SKAP2: variants seen among roughly 807,000 people sequenced by gnomAD.
SKAP2 encodes src kinase associated phosphoprotein 2.
Under a neutral mutation model 54.9 loss-of-function variants are expected in SKAP2, and 28 were observed. The ratio of observed to expected loss-of-function variants is 0.51; its 90% confidence interval spans 0.38 to 0.70. The LOEUF is 0.70. Among genes scored for constraint, SKAP2 ranks in the 30% least tolerant of loss-of-function variants. The probability of loss-of-function intolerance (pLI) is 0.00; values close to 1 mark genes in which losing one functional copy is unlikely to be tolerated. For missense variants in SKAP2, 356 were observed against 424.1 expected (o/e 0.84, Z 1.41); for synonymous variants, 137 against 134.3 (o/e 1.02, Z -0.14).
At chr7:26,717,509 C>CAAAAAAAAATA in intron 9 of SKAP2, among the ~76,000 whole-genome samples, 1 of 23,130 alleles carries the variant, frequency 4.3e-5, no homozygotes, top group Non-Finnish European at 1.0e-4. Context: ...GACCCCATCT[C>CAAAAAAAAATA]AAAAAAAAAA....
At chr7:26,763,801 T>A (rs1055234384) in intron 4 of SKAP2, among the ~76,000 whole-genome samples, 9 of 125,958 alleles carry the variant, frequency 7.1e-5, no homozygotes, top group African/African-American at 2.8e-4. Context: ...ATATTATATA[T>A]AGCCTATTGC....
chr7:26,734,778 T>C (rs1787889239), intron 6 of SKAP2, among the ~76,000 whole-genome samples: 1 of 152,164 alleles, frequency 6.6e-6, no homozygotes, highest in Admixed American at 6.5e-5. Context: ...GCCTTTTTTA[T>C]AGAGACATAT....
chr7:26,768,617 A>AC, intron 4 of SKAP2, among the ~76,000 whole-genome samples: 1 of 152,296 alleles, frequency 6.6e-6, no homozygotes, highest in African/African-American at 2.4e-5. Flanking sequence ...TTCCATGTTT[A>AC]ATGCTTCCTT....
chr7:26,851,254 CCAA>C (rs1394678313), intron 3 of SKAP2, among the ~76,000 whole-genome samples: 1 of 83,692 alleles, frequency 1.2e-5, no homozygotes, highest in African/African-American at 4.7e-5. Context: ...CCCGTTTTTA[CCAA>C]AAAAAAAAAA....
intron 4 of SKAP2, among the ~76,000 whole-genome samples, chr7:26,805,997 T>A (rs1366803548): frequency 6.6e-6 from 1 of 152,194 alleles, no homozygotes; most frequent in Admixed American, 6.5e-5. Context: ...CTGAAACTTT[T>A]TCATTATTAT....
chr7:26,837,433 A>C (rs1784737740), intron 4 of SKAP2, among the ~76,000 whole-genome samples: 1 of 152,160 alleles, frequency 6.6e-6, no homozygotes, highest in African/African-American at 2.4e-5. Flanking sequence ...AAGCCTCAGG[A>C]AGCTTACAAT....
intron 4 of SKAP2, among the ~76,000 whole-genome samples, chr7:26,823,648 T>C (rs913236476): frequency 6.6e-6 from 1 of 151,998 alleles, no homozygotes; most frequent in African/African-American, 2.4e-5. Context: ...TTCATGAGGT[T>C]TAAGGAAAGA....
intron 4 of SKAP2, among the ~76,000 whole-genome samples, chr7:26,806,329 G>C (rs143867113): frequency 0.015 from 2,239 of 152,220 alleles, 56 homozygotes; most frequent in African/African-American, 0.051. Flanking sequence ...AAAGTGGGAG[G>C]ATCACTTGAG....
In SKAP2 at chr7:26,692,569, A is replaced by T. The variant is rs544866954; in HGVS notation, c.797-2207T>A. On this transcript the variant is annotated intron_variant, in intron 9 of 12. Transcript: ENST00000345317. ...ACAAAATAATGACAACTCCAATATA[A>T]GGGACACCTGAAAATATCTGGCATT... Among the ~76,000 whole-genome samples, 8 of 152,352 alleles carry T rather than the reference A, an allele frequency of 5.3e-5. No homozygotes were observed. In the East Asian group the frequency reaches 1.5e-3, roughly 29 times the overall value.
chr7:26,680,852 T>C (rs1330208857), intron 11 of SKAP2, among the ~76,000 whole-genome samples: 1 of 152,068 alleles, frequency 6.6e-6, no homozygotes, highest in Non-Finnish European at 1.5e-5. Flanking sequence ...TGGAAAATGT[T>C]AAAAAGGGAA....
At chr7:26,819,421 G>C (rs1274917729) in intron 4 of SKAP2, among the ~76,000 whole-genome samples, 3 of 152,038 alleles carry the variant, frequency 2.0e-5, no homozygotes, top group Non-Finnish European at 2.9e-5. Context: ...CTGTCGGGGG[G>C]TGGGGGCTAG....
At chr7:26,751,746 T>G (rs1782688388) in intron 4 of SKAP2, among the ~76,000 whole-genome samples, 2 of 152,192 alleles carry the variant, frequency 1.3e-5, no homozygotes, top group South Asian at 4.1e-4. Context: ...TCATACATTC[T>G]TATCTATTAT....
intron 1 of SKAP2, among the ~76,000 whole-genome samples, chr7:26,856,398 T>TA (rs200738088): frequency 0.024 from 3,569 of 151,716 alleles, 141 homozygotes; most frequent in African/African-American, 0.081. Flanking sequence ...ACTAATGTGT[T>TA]AAAAAAAAGT....
intron 1 of SKAP2, among the ~76,000 whole-genome samples, chr7:26,857,014 CCTCT>C (rs1202300196): frequency 4.6e-5 from 7 of 150,858 alleles, no homozygotes; most frequent in Admixed American, 4.6e-4. Flanking sequence ...TACATAGTGC[CCTCT>C]AACGCCCCCA....
intron 4 of SKAP2, among the ~76,000 whole-genome samples, chr7:26,771,263 C>T (rs1263861882): frequency 6.6e-6 from 1 of 152,132 alleles, no homozygotes; most frequent in Non-Finnish European, 1.5e-5. Context: ...AAGGTACACT[C>T]GCCTATTGTA....
At chr7:26,857,627 T>C in intron 1 of SKAP2, 23 of 985,408 alleles carry the variant, frequency 2.3e-5, no homozygotes, top group Non-Finnish European at 2.8e-5. Context: ...CTCTGCCCTC[T>C]GAGAAACGCA....
At chr7:26,757,806 G>A (rs1465025179) in intron 4 of SKAP2, among the ~76,000 whole-genome samples, 2 of 152,184 alleles carry the variant, frequency 1.3e-5, no homozygotes, top group Non-Finnish European at 2.9e-5. Flanking sequence ...CTGTCACCCA[G>A]GCTGGAGTGC....
chr7:26,747,591 C>CAG (rs1782584346), intron 4 of SKAP2, among the ~76,000 whole-genome samples: 1 of 152,088 alleles, frequency 6.6e-6, no homozygotes, highest in African/African-American at 2.4e-5. Context: ...TTCAATAGGT[C>CAG]TATTTAGAAC....
At chr7:26,722,885 T>C (rs1193643716) in intron 9 of SKAP2, among the ~76,000 whole-genome samples, 1 of 152,228 alleles carries the variant, frequency 6.6e-6, no homozygotes, top group Non-Finnish European at 1.5e-5. Flanking sequence ...CAAATACATT[T>C]GTATACCTCA....
Sources: allele counts gnomAD v4.1 joint callset (sites outside exome capture counted in the v4.1 genomes callset), GRCh38; gene constraint gnomAD v4.1.1; transcripts MANE v1.5; gene names NCBI Gene and HGNC (gene_info 2026-07-23, HGNC 2026-07-21).